PBRM1: variants seen among roughly 807,000 people sequenced by gnomAD.
PBRM1 encodes the protein polybromo 1.
In PBRM1, 27 loss-of-function variants were observed where a neutral mutation model predicts 194.5. The observed-to-expected ratio is 0.14, with a 90% CI of 0.10 to 0.19. PBRM1 has a LOEUF of 0.19. Among genes scored for constraint, PBRM1 ranks in the 10% least tolerant of loss-of-function variants. The pLI is 1.00. For missense variants in PBRM1, 1,466 were observed against 2,077.2 expected (o/e 0.71, Z 5.72); for synonymous variants, 655 against 693.2 (o/e 0.94, Z 0.87).
chr3:52,653,278 G>C (rs1017697391), intron 5 of PBRM1, among the ~76,000 whole-genome samples: 4 of 152,078 alleles, frequency 2.6e-5, no homozygotes, highest in Admixed American at 2.6e-4. Context: ...AATACCTTTT[G>C]AATGAAACTT....
At chr3:52,627,126 C>T in intron 13 of PBRM1, 147 bp downstream of exon 14, 1 of 491,158 alleles carries the variant, frequency 2.0e-6, no homozygotes, top group Non-Finnish European at 3.6e-6. Context: ...GCTAATCATC[C>T]AATTGCAAAT....
intron 17 of PBRM1, among the ~76,000 whole-genome samples, chr3:52,593,724 T>C (rs1194811038): frequency 2.0e-5 from 3 of 152,202 alleles, no homozygotes; most frequent in Admixed American, 1.3e-4. Context: ...TTAATTTCCA[T>C]ATAATTGTAT....
intron 22 of PBRM1, among the ~76,000 whole-genome samples, chr3:52,573,318 T>C (rs1384203881): frequency 6.6e-6 from 1 of 152,118 alleles, no homozygotes; most frequent in African/African-American, 2.4e-5. Flanking sequence ...ATAGAGTCTC[T>C]TGCTCTGTCT....
intron 17 of PBRM1, among the ~76,000 whole-genome samples, chr3:52,589,862 CTT>C (rs1262810470): frequency 6.6e-6 from 1 of 151,944 alleles, no homozygotes; most frequent in Non-Finnish European, 1.5e-5. Flanking sequence ...GAGTTTCGCT[CTT>C]GTTGCCCAGG....
At chr3:52,674,643 A>AAT (rs1189318541) in intron 2 of PBRM1, among the ~76,000 whole-genome samples, 1,141 of 72,306 alleles carry the variant, frequency 0.016, 19 homozygotes, top group East Asian at 0.081. Context: ...AAAAAAAAAA[A>AAT]ATATATATAT....
Position 52,614,731 on chromosome 3 carries a change from C to T in PBRM1, c.1924+620G>A, listed in dbSNP as rs117607837. 1.4e-3 allele frequency among the ~76,000 whole-genome samples: 209 copies of T among 152,004 alleles called. 4 individuals carry two copies. The East Asian group carries it at 0.035, about 26-fold the overall frequency. On this transcript the variant is annotated intron_variant, in intron 15 of 29. Transcript: ENST00000296302. ...GATTACAGGCATGTACCCCCATGTC[C>T]GGCTAATTTTTGTATTTTTAGTAAA...
At chr3:52,608,521 A>C (rs191269740) in intron 16 of PBRM1, among the ~76,000 whole-genome samples, 1 of 152,282 alleles carries the variant, frequency 6.6e-6, no homozygotes, top group African/African-American at 2.4e-5. Context: ...CTTTTCTTTA[A>C]AGGTTCAGAG....
At chr3:52,577,693 A>T (rs1272241337) in intron 21 of PBRM1, among the ~76,000 whole-genome samples, 3 of 152,214 alleles carry the variant, frequency 2.0e-5, no homozygotes, top group Middle Eastern at 3.4e-3. Context: ...AATACTATTA[A>T]TTTGACCTTC....
intron 26 of PBRM1, among the ~76,000 whole-genome samples, chr3:52,555,747 T>C (rs369402695): frequency 2.0e-5 from 3 of 152,376 alleles, no homozygotes; most frequent in East Asian, 3.9e-4. Context: ...CAGAGGCTTT[T>C]ATTCCTTTAT....
chr3:52,595,548 T>C (rs759053885), intron 17 of PBRM1, among the ~76,000 whole-genome samples: 4 of 152,188 alleles, frequency 2.6e-5, no homozygotes, highest in Admixed American at 1.3e-4. Flanking sequence ...TCTTAAGGAG[T>C]TGAGTTCCTC....
intron 17 of PBRM1, among the ~76,000 whole-genome samples, chr3:52,592,219 C>T (rs1019509351): frequency 1.3e-5 from 2 of 151,164 alleles, no homozygotes. Flanking sequence ...CTGCAGTCTG[C>T]CTCCTGGGTT....
intron 3 of PBRM1, among the ~76,000 whole-genome samples, chr3:52,663,204 G>A (rs1195137739): frequency 2.0e-5 from 3 of 152,154 alleles, no homozygotes; most frequent in African/African-American, 7.2e-5. Context: ...TTCACTTTGA[G>A]GGCATTTATT....
chr3:52,593,746 A>AT (rs995445204), intron 17 of PBRM1, among the ~76,000 whole-genome samples: 1 of 152,082 alleles, frequency 6.6e-6, no homozygotes, highest in African/African-American at 2.4e-5. Flanking sequence ...GTTTTGAGTG[A>AT]TTTTGTCTTG....
chr3:52,577,743 A>G (rs191872744), intron 21 of PBRM1, among the ~76,000 whole-genome samples: 150 of 152,242 alleles, frequency 9.9e-4, no homozygotes, highest in African/African-American at 3.5e-3. Context: ...CTGAAGCATG[A>G]TTGTTCTTGC....
chr3:52,590,780 G>C (rs2092951172), intron 17 of PBRM1, among the ~76,000 whole-genome samples: 1 of 152,070 alleles, frequency 6.6e-6, no homozygotes, highest in African/African-American at 2.4e-5. Context: ...TTTTAAAATA[G>C]TTTTTCTAGT....
intron 22 of PBRM1, among the ~76,000 whole-genome samples, chr3:52,575,163 A>G (rs2089044425): frequency 6.6e-6 from 1 of 152,152 alleles, no homozygotes; most frequent in Middle Eastern, 3.2e-3. Flanking sequence ...TCAGCCTCCC[A>G]AAGTGCTGGG....
At chr3:52,558,539 T>TA (rs2082699750) in intron 25 of PBRM1, 126 bp from the exon 28 acceptor site, 1 of 776,782 alleles carries the variant, frequency 1.3e-6, no homozygotes, top group Non-Finnish European at 1.9e-6. Context: ...GAACAGTAGA[T>TA]GACTAGTCTC....
At chr3:52,677,731 TG>T (rs1244574459) in intron 2 of PBRM1, among the ~76,000 whole-genome samples, 1 of 152,174 alleles carries the variant, frequency 6.6e-6, no homozygotes, top group Non-Finnish European at 1.5e-5. Flanking sequence ...GGCTAATTTT[TG>T]TATTTTTTAG....
rs997333915 is a variant in PBRM1, at chr3:52,565,938, T to C, written c.3692-1705A>G. On this transcript the variant is annotated intron_variant, in intron 22 of 29. Transcript: ENST00000296302. ...GGTTGCAGGCGCCTGTAGTCCCAGCTAGTCATGAGGCTGAGGCAGGAGAAT... is the reference window on the plus strand; with the variant it reads ...GGTTGCAGGCGCCTGTAGTCCCAGCCAGTCATGAGGCTGAGGCAGGAGAAT... Among the ~76,000 whole-genome samples the C allele has an allele frequency of 4.7e-4, 72 of 151,996 alleles. 3 individuals are homozygous for C. Among genetic ancestry groups the C allele is most frequent in the Non-Finnish European group, 1.3e-4 (9 of 68,002 alleles).
Sources: gnomAD v4.1 joint callset for allele counts (sites outside exome capture counted in the v4.1 genomes callset) on GRCh38, gnomAD v4.1.1 for gene constraint, MANE v1.5 for transcripts, NCBI Gene and HGNC (gene_info 2026-07-23, HGNC 2026-07-21) for gene names.